CBX3: variants seen among roughly 807,000 people sequenced by gnomAD.
CBX3 encodes chromobox protein homolog 3.
Under a neutral mutation model 22.6 loss-of-function variants are expected in CBX3, and 5 were observed. The observed-to-expected ratio is 0.22, with a 90% confidence interval of 0.12 to 0.47. CBX3 has a LOEUF of 0.47. CBX3 is among the 20% of genes least tolerant of loss of function. The pLI is 0.99. For synonymous variants in CBX3, 50 were observed against 66.6 expected (o/e 0.75, Z 1.21); for missense variants, 83 against 208.1 (o/e 0.40, Z 3.70).
chr7:26,204,485 C>T (rs1175748717), intron 2 of CBX3, among the ~76,000 whole-genome samples: 1 of 152,150 alleles, frequency 6.6e-6, no homozygotes, highest in African/African-American at 2.4e-5. Flanking sequence ...AATCATAACA[C>T]CTGACTTAGA....
At chr7:26,206,627 C>T (rs1364276087) in intron 3 of CBX3, 117 bp downstream of exon 3, 5 of 942,926 alleles carry the variant, frequency 5.3e-6, no homozygotes, top group Non-Finnish European at 1.7e-6. Context: ...AATGTAAAGA[C>T]ACTTTGAATT....
intron 1 of CBX3, 133 bp downstream of exon 1, chr7:26,201,959 G>C (rs1170440194): frequency 1.3e-5 from 2 of 151,932 alleles, no homozygotes; most frequent in Non-Finnish European, 2.9e-5. Flanking sequence ...GCTGCGGGAA[G>C]GAGTGGAGGG....
chr7:26,203,075 C>A, intron 2 of CBX3, 53 bp downstream of exon 2: 4 of 1,194,088 alleles, frequency 3.3e-6, no homozygotes, highest in Non-Finnish European at 4.7e-6. Flanking sequence ...GTTTTTTTTC[C>A]CCACAGTATA....
chr7:26,207,495 A>G (rs996649074), intron 3 of CBX3, among the ~76,000 whole-genome samples: 6 of 152,186 alleles, frequency 3.9e-5, no homozygotes, highest in African/African-American at 1.4e-4. Flanking sequence ...TCCCATGTGC[A>G]GTGTAACAGG....
At chr7:26,203,165 G>A (rs989147430) in intron 2 of CBX3, 143 bp downstream of exon 2, 7 of 667,622 alleles carry the variant, frequency 1.0e-5, no homozygotes, top group South Asian at 3.6e-5. Flanking sequence ...GGAAAATTAA[G>A]AGAAAAACGA....
rs143272288 is a variant in CBX3, at chr7:26,204,497, A to G, written c.24+1475A>G. 2.6e-5 allele frequency among the ~76,000 whole-genome samples: 4 copies of G among 152,310 alleles called. No homozygotes were observed. In the East Asian group the frequency reaches 7.7e-4, roughly 29 times the overall value. On this transcript the variant is annotated intron_variant, in intron 2 of 5. Transcript: ENST00000396386. ...GAGAATCATAACACCTGACTTAGAA[A>G]TGGTATCCAAAAACGTCAGGTGTTT...
chr7:26,202,732 C>A, intron 1 of CBX3: 1 of 480,762 alleles, frequency 2.1e-6, no homozygotes, highest in Non-Finnish European at 3.7e-6. Flanking sequence ...TATTTTAAGC[C>A]ATGTGAAGCT....
intron 2 of CBX3, chr7:26,205,949 CATGGTGGCATCCGCCTATAATCCCAGCT>C (rs1197417766): frequency 6.4e-6 from 1 of 155,506 alleles, no homozygotes; most frequent in African/African-American, 2.4e-5. Context: ...ATTAGCCCGG[CATGGTGGCATCCGCCTATAATCCCAGCT>C]ACTCTGGAGG....
In CBX3 at chr7:26,213,585, T is replaced by A. The variant is rs1784864002; in HGVS notation, c.*1377T>A. On this transcript the variant is annotated 3_prime_UTR_variant, in exon 6 of 6. Coordinates refer to ENST00000396386, the MANE Select transcript of CBX3 (RefSeq NM_016587.4). ...GTGATGCCTAGGGTCAATTGTCTCATTAAAATGAGGTTTTAAATTCTGGTT... is the reference window on the plus strand; with the variant it reads ...GTGATGCCTAGGGTCAATTGTCTCAATAAAATGAGGTTTTAAATTCTGGTT... Among the ~76,000 whole-genome samples the A allele has an allele frequency of 6.6e-6, 1 of 152,206 alleles. No individual in the cohort carries two copies. Among genetic ancestry groups the A allele is most frequent in the Non-Finnish European group, 1.5e-5 (1 of 68,038 alleles).
intron 2 of CBX3, among the ~76,000 whole-genome samples, chr7:26,204,420 T>C (rs1007268324): frequency 1.3e-5 from 2 of 152,236 alleles, no homozygotes; most frequent in Non-Finnish European, 2.9e-5. Flanking sequence ...CTTCTTGTAC[T>C]GTACAGTGGC....
At chr7:26,211,223 A>C (rs1281309385) in intron 4 of CBX3, among the ~76,000 whole-genome samples, 2 of 152,202 alleles carry the variant, frequency 1.3e-5, no homozygotes, top group African/African-American at 4.8e-5. Context: ...GATTACAGAT[A>C]GTTGGTATGA....
chr7:26,208,521 C>T lies in CBX3; in HGVS notation c.296C>T (p.Ser99Phe). 6.2e-7 allele frequency: 1 copy of T among 1,613,254 alleles called. No individual in the cohort carries two copies. The highest frequency in any genetic ancestry group is 8.5e-7 in the Non-Finnish European group (1 of 1,179,430). The change falls in exon 4 of 6, where the codon TCT (serine) becomes TTT (phenylalanine). Residue 99 changes from serine to phenylalanine, a missense_variant. By Grantham distance (155) the Ser-to-Phe change is radical. Around this residue, in one of 3 missense-constraint regions of CBX3, gnomAD observed 59 missense variants for 155.0 expected, o/e 0.38. Coordinates refer to ENST00000396386, the MANE Select transcript of CBX3 (RefSeq NM_016587.4). ...TKRKSLSDSE[S>F]DDSKSKKKRD... ...AGAAAATCTTTATCTGACAGTGAAT[C>T]TGATGACAGCAAATCAAAGAAGAAA...
At chr7:26,204,657 C>T (rs189561275) in intron 2 of CBX3, among the ~76,000 whole-genome samples, 2 of 152,288 alleles carry the variant, frequency 1.3e-5, no homozygotes, top group Admixed American at 1.3e-4. Context: ...CTTCATATGC[C>T]TGCATAGCTT....
chr7:26,211,971 C>A, intron 5 of CBX3, 111 bp from the exon 6 acceptor site: 1 of 1,011,232 alleles, frequency 9.9e-7, no homozygotes. Flanking sequence ...ACATAACTCT[C>A]CTGGAGCACT....
chr7:26,205,856 C>G (rs1394358123), intron 2 of CBX3, among the ~76,000 whole-genome samples: 1 of 152,172 alleles, frequency 6.6e-6, no homozygotes, highest in South Asian at 2.1e-4. Flanking sequence ...GAGGCCCAGG[C>G]TGGTGAATCA....
chr7:26,208,917 C>CTTTTT lies in CBX3; in HGVS notation c.330+392_330+396dup, dbSNP rs59657982. Among the ~76,000 whole-genome samples, 253 of 27,956 alleles carry CTTTTT rather than the reference C, an allele frequency of 9.0e-3. 78 individuals are homozygous for CTTTTT. Among genetic ancestry groups the CTTTTT allele is most frequent in the Admixed American group, 0.011 (17 of 1,482 alleles). 18.3% of individuals were successfully genotyped at this position (27,956 alleles called of 152,430 possible). Reference sequence around the variant, plus strand: ...GTAGGCATGAGCCACCACGCCTGGCCTTTTTTTTTTTTTTTTTTTTTTTTT... The same window carrying CTTTTT: ...GTAGGCATGAGCCACCACGCCTGGCCTTTTTTTTTTTTTTTTTTTTTTTTTTTTTT... On this transcript the variant is annotated intron_variant, in intron 4 of 5. Transcript: ENST00000396386.
At chr7:26,202,122 C>T (rs1052431374) in intron 1 of CBX3, 3 of 151,882 alleles carry the variant, frequency 2.0e-5, no homozygotes, top group Non-Finnish European at 4.4e-5. Context: ...CACCCGCGTT[C>T]CGGCGGAGGC....
chr7:26,208,535 T>G lies in CBX3; in HGVS notation c.310T>G (p.Ser104Ala). The G allele has an allele frequency of 3.7e-6, 6 of 1,611,484 alleles. No homozygotes were observed. The highest frequency in any genetic ancestry group is 5.1e-6 in the Non-Finnish European group (6 of 1,178,424). The change falls in exon 4 of 6, where the codon TCA becomes GCA. Residue 104 changes from serine (S) to alanine (A), a missense_variant. Transcript: ENST00000396386. ...TGACAGTGAATCTGATGACAGCAAA[T>G]CAAAGAAGAAAAGAGATGCTGTAAG... ...LSDSESDDSK[S>A]KKKRDAADKP...
At chr7:26,209,470 G>A (rs1257419856) in intron 4 of CBX3, among the ~76,000 whole-genome samples, 2 of 151,988 alleles carry the variant, frequency 1.3e-5, no homozygotes, top group Non-Finnish European at 2.9e-5. Flanking sequence ...TTGGATTATC[G>A]AAAGCCTTTG....
Sources: gnomAD v4.1 joint callset for allele counts (sites outside exome capture counted in the v4.1 genomes callset) on GRCh38, gnomAD v4.1.1 for gene constraint, gnomAD v4.1.1 regional missense constraint, MANE v1.5 for transcripts, NCBI Gene and HGNC (gene_info 2026-07-23, HGNC 2026-07-21) for gene names.